The following NPFFR2 variants were observed in gnomAD, a reference collection of about 807,000 sequenced individuals.
NPFFR2 encodes the protein G-protein coupled receptor 74.
Under a neutral mutation model 13.1 loss-of-function variants are expected in NPFFR2, and 15 were observed. The observed-to-expected ratio is 1.15, with a 90% confidence interval of 0.77 to 1.76. The LOEUF (loss-of-function observed/expected upper bound fraction) is 1.76. Among genes scored for constraint, NPFFR2 ranks in the 40% most tolerant of loss-of-function variants. The pLI is 0.00. For missense variants in NPFFR2, 572 were observed against 503.5 expected, an observed-to-expected ratio of 1.14 and a Z score of -1.30; for synonymous variants, 190 against 175.7, an observed-to-expected ratio of 1.08 and a Z score of -0.65.
At chr4:72,091,311 TC>T (rs1379361106) in intron 1 of NPFFR2, among the ~76,000 whole-genome samples, 1 of 152,070 alleles carries the variant, frequency 6.6e-6, no homozygotes, top group African/African-American at 2.4e-5. Context: ...TATTATTCTT[TC>T]CTGGTTTTGG....
intron 1 of NPFFR2, among the ~76,000 whole-genome samples, chr4:72,083,927 C>T (rs1033213205): frequency 6.0e-5 from 9 of 150,266 alleles, no homozygotes; most frequent in African/African-American, 1.7e-4. Context: ...AGCGTGTTTG[C>T]TTGCTCTCTT....
chr4:72,043,770 C>G lies in NPFFR2; in HGVS notation c.-8+11570C>G, dbSNP rs934724732. Among the ~76,000 whole-genome samples the G allele has an allele frequency of 3.3e-5, 5 of 152,070 alleles. No individual in the cohort carries two copies. The South Asian group carries it at 1.0e-3, about 31-fold the overall frequency. On this transcript the variant is annotated intron_variant, in intron 1 of 3. Transcript: ENST00000308744. ...CATAGGTGGAAGGGACTTGCCTTGTCTCAGATGAGACTTTGGACTTGGACT... is the reference window on the plus strand; with the variant it reads ...CATAGGTGGAAGGGACTTGCCTTGTGTCAGATGAGACTTTGGACTTGGACT...
intron 3 of NPFFR2, among the ~76,000 whole-genome samples, chr4:72,138,655 A>G (rs544082753): frequency 2.6e-5 from 4 of 152,200 alleles, no homozygotes; most frequent in African/African-American, 9.6e-5. Context: ...TTAATCCAGT[A>G]TATCATTGAA....
At chr4:72,086,576 TG>T (rs1475764843) in intron 1 of NPFFR2, among the ~76,000 whole-genome samples, 1 of 152,160 alleles carries the variant, frequency 6.6e-6, no homozygotes, top group African/African-American at 2.4e-5. Flanking sequence ...ATTTTCTTGA[TG>T]ATTATAAGGA....
intron 1 of NPFFR2, among the ~76,000 whole-genome samples, chr4:72,050,488 G>A (rs563392739): frequency 3.0e-4 from 46 of 151,818 alleles, no homozygotes; most frequent in Admixed American, 9.2e-4. Flanking sequence ...CCTTAAGAAT[G>A]ACAAAACAGA....
chr4:72,128,808 A>G lies in NPFFR2; in HGVS notation c.217A>G (p.Asn73Asp), dbSNP rs77812923. The change falls in exon 2 of 4, where the codon AAC becomes GAC. Residue 73 changes from asparagine (N) to aspartate (D), a missense_variant. Asn to Asp is a conservative substitution (Grantham distance 23). Transcript: ENST00000308744. ...TGTGGTTTGCTTTATTGTAATGAGG[A>G]ACAAACATATGCACACAGTCACTAA... ...NTVVCFIVMR[N>D]KHMHTVTNLF... 881 of 1,614,098 alleles carry G rather than the reference A, an allele frequency of 5.5e-4. 8 individuals are homozygous for G. In the African/African-American group the frequency reaches 0.011, roughly 20 times the overall value.
At chr4:72,071,925 G>T (rs1342006124) in intron 1 of NPFFR2, among the ~76,000 whole-genome samples, 1 of 152,098 alleles carries the variant, frequency 6.6e-6, no homozygotes, top group East Asian at 1.9e-4. Context: ...TCATTGAAAA[G>T]AAACCACATA....
At chr4:72,033,049 A>C (rs892587061) in intron 1 of NPFFR2, among the ~76,000 whole-genome samples, 4 of 152,172 alleles carry the variant, frequency 2.6e-5, no homozygotes, top group Admixed American at 6.5e-5. Context: ...CATATGTCTA[A>C]ATTTCTAATT....
chr4:72,085,065 G>A (rs1297643024), intron 1 of NPFFR2, among the ~76,000 whole-genome samples: 1 of 141,210 alleles, frequency 7.1e-6, no homozygotes, highest in Non-Finnish European at 1.6e-5. Flanking sequence ...TAAAAAAAAA[G>A]TCATTAAGAC....
At chr4:72,128,543 G>A in intron 1 of NPFFR2, 42 bp from the exon 2 acceptor site, 2 of 1,249,456 alleles carry the variant, frequency 1.6e-6, no homozygotes, top group South Asian at 2.9e-5. Context: ...TGCTTTACTG[G>A]TTCCTAATTA....
At chr4:72,115,255 TA>T (rs1721680914) in intron 1 of NPFFR2, among the ~76,000 whole-genome samples, 1 of 152,200 alleles carries the variant, frequency 6.6e-6, no homozygotes, top group African/African-American at 2.4e-5. Context: ...AAGTGGAACA[TA>T]ATGCACATTT....
At chr4:72,055,386 A>T (rs1719716582) in intron 1 of NPFFR2, among the ~76,000 whole-genome samples, 1 of 151,972 alleles carries the variant, frequency 6.6e-6, no homozygotes. Context: ...ACAAACTGTG[A>T]CTGCATAAAA....
intron 1 of NPFFR2, among the ~76,000 whole-genome samples, chr4:72,110,411 T>TA (rs1320035113): frequency 1.3e-5 from 2 of 152,016 alleles, no homozygotes; most frequent in African/African-American, 4.8e-5. Flanking sequence ...AACAGACTAA[T>TA]ACACTGCTCC....
At chr4:72,098,754 T>A (rs1051420483) in intron 1 of NPFFR2, among the ~76,000 whole-genome samples, 2 of 152,166 alleles carry the variant, frequency 1.3e-5, no homozygotes, top group Admixed American at 1.3e-4. Flanking sequence ...CTGGGCCAAC[T>A]CTGAGTCTTT....
At chr4:72,054,441 A>T (rs1415973658) in intron 1 of NPFFR2, among the ~76,000 whole-genome samples, 2 of 151,962 alleles carry the variant, frequency 1.3e-5, no homozygotes. Context: ...TAAAAAATTA[A>T]CCTTAACTCT....
At chr4:72,092,570 G>C (rs1720943680) in intron 1 of NPFFR2, among the ~76,000 whole-genome samples, 1 of 152,054 alleles carries the variant, frequency 6.6e-6, no homozygotes, top group Non-Finnish European at 1.5e-5. Flanking sequence ...TGTTAGACTA[G>C]TCCTCTTATC....
chr4:72,049,409 T>C (rs1183664569), intron 1 of NPFFR2, among the ~76,000 whole-genome samples: 1 of 152,064 alleles, frequency 6.6e-6, no homozygotes, highest in Non-Finnish European at 1.5e-5. Context: ...TGCCAAGATA[T>C]AGTGAAATAG....
chr4:72,133,387 A>G (rs1207759426), intron 2 of NPFFR2, among the ~76,000 whole-genome samples: 1 of 152,118 alleles, frequency 6.6e-6, no homozygotes, highest in Non-Finnish European at 1.5e-5. Context: ...TTGTACTAGT[A>G]CCATGCTATT....
intron 1 of NPFFR2, among the ~76,000 whole-genome samples, chr4:72,072,759 G>A (rs188101471): frequency 1.3e-5 from 2 of 152,236 alleles, no homozygotes; most frequent in African/African-American, 4.8e-5. Context: ...GATACTCAAA[G>A]TGAGATACAT....
Sources: gnomAD v4.1 joint callset for allele counts (sites outside exome capture counted in the v4.1 genomes callset) on GRCh38, gnomAD v4.1.1 for gene constraint, MANE v1.5 for transcripts, NCBI Gene and HGNC (gene_info 2026-07-23, HGNC 2026-07-21) for gene names.